The following RADX variants were observed in gnomAD, a reference collection of about 807,000 sequenced individuals.
RADX encodes the protein RPA-related protein RADX.
RADX carries 36 observed loss-of-function variants against 61.6 expected under a neutral mutation model. The observed-to-expected ratio is 0.58, with a 90% CI of 0.45 to 0.77. The LOEUF (loss-of-function observed/expected upper bound fraction) is 0.77, where lower values mean the gene tolerates loss of function less well. Among genes scored for constraint, RADX ranks in the 30% least tolerant of loss-of-function variants. RADX has a pLI of 0.00. For synonymous variants in RADX, 272 were observed against 237.9 expected (o/e 1.14, Z -1.32); for missense variants, 497 against 651.1 (o/e 0.76, Z 2.58).
At chrX:106,644,542 T>A (rs1927610013) in intron 10 of RADX, among the ~76,000 whole-genome samples, 1 of 111,624 alleles carries the variant, frequency 9.0e-6, no homozygotes. Context: ...ATGGTTTTGA[T>A]CCTTTTTTCT....
At chrX:106,651,058 T>C (rs1344813556) in intron 11 of RADX, among the ~76,000 whole-genome samples, 1 of 110,865 alleles carries the variant, frequency 9.0e-6, no homozygotes, top group East Asian at 2.8e-4. Context: ...TTTTTCAAAA[T>C]TGTATATATA....
Position 106,622,610 on chromosome X carries a change from A to G in RADX, c.644-41A>G, listed in dbSNP as rs757971053. The G allele has an allele frequency of 5.4e-5, 54 of 997,902 alleles. No homozygotes were observed. In the South Asian group the frequency reaches 6.6e-4, roughly 12 times the overall value. 82.2% of individuals were successfully genotyped at this position (997,902 alleles called of 1,213,427 possible). On this transcript the variant is annotated intron_variant, in intron 1 of 13. Transcript: ENST00000372548. ...AAAATAGATCTTTGAAGTTACCATT[A>G]CATGTTAAACAGGATTTCTTTCCTC...
At chrX:106,673,108 C>T (rs1447159162) in intron 13 of RADX, among the ~76,000 whole-genome samples, 2 of 111,973 alleles carry the variant, frequency 1.8e-5, no homozygotes, top group Non-Finnish European at 3.8e-5. Flanking sequence ...CAAGTGCCCA[C>T]TTGTTGCTCT....
chrX:106,614,244 G>A (rs1470837043), intron 1 of RADX, among the ~76,000 whole-genome samples: 3 of 111,270 alleles, frequency 2.7e-5, no homozygotes, highest in Non-Finnish European at 5.7e-5. Flanking sequence ...ATCTCAAATT[G>A]TCAGCAGTTT....
At chrX:106,622,149 G>A (rs142298329) in intron 1 of RADX, among the ~76,000 whole-genome samples, 5,066 of 110,203 alleles carry the variant, frequency 0.046, 295 homozygotes, top group African/African-American at 0.16. Context: ...ATGTTGCCCA[G>A]GCTGGTCTCA....
In RADX at chrX:106,639,381, A is replaced by G. The variant is rs1603045888; in HGVS notation, c.1574-146A>G. On this transcript the variant is annotated intron_variant, in intron 8 of 13. Coordinates refer to ENST00000372548, the MANE Select transcript of RADX (RefSeq NM_018015.6). ...TTTTGCCTATTTCACAAAATTATAT[A>G]GAAGGATGCCAGATATAAACACAGT... 1.3e-4 allele frequency: 56 copies of G among 438,322 alleles called. No homozygotes were observed. The East Asian group carries it at 2.4e-3, about 19-fold the overall frequency. The allele number at this position is 438,322 out of a possible 1,213,427, so 36.1% of individuals were successfully genotyped here.
intron 6 of RADX, 99 bp downstream of exon 6, chrX:106,633,351 G>A (rs1927281888): frequency 4.2e-6 from 3 of 714,747 alleles, no homozygotes; most frequent in Non-Finnish European, 6.1e-6. Context: ...GTGACATTGA[G>A]TTGGCAATTC....
At chrX:106,623,810 A>G (rs780984818) in intron 2 of RADX, among the ~76,000 whole-genome samples, 7 of 111,779 alleles carry the variant, frequency 6.3e-5, no homozygotes, top group African/African-American at 2.3e-4. Flanking sequence ...TCATATCACT[A>G]AAAATTCTTC....
intron 3 of RADX, among the ~76,000 whole-genome samples, chrX:106,632,249 A>G (rs1283926936): frequency 1.8e-5 from 2 of 112,243 alleles, no homozygotes; most frequent in African/African-American, 6.5e-5. Flanking sequence ...TGCTACATGC[A>G]GCTACATGGA....
intron 10 of RADX, among the ~76,000 whole-genome samples, chrX:106,641,525 A>G (rs1203562942): frequency 2.7e-5 from 3 of 111,762 alleles, no homozygotes; most frequent in Admixed American, 9.5e-5. Flanking sequence ...TATAGGATAG[A>G]CACTCCCATT....
intron 1 of RADX, among the ~76,000 whole-genome samples, chrX:106,613,236 C>T (rs1926723651): frequency 1.8e-5 from 2 of 111,732 alleles, no homozygotes; most frequent in South Asian, 7.5e-4. Context: ...ATTGAAACGC[C>T]GTGTAACAGT....
At chrX:106,666,549 T>TA (rs1175738941) in intron 12 of RADX, among the ~76,000 whole-genome samples, 2 of 112,131 alleles carry the variant, frequency 1.8e-5, no homozygotes, top group Non-Finnish European at 3.8e-5. Context: ...GCCCACAGGC[T>TA]AATACCAAGG....
Position 106,669,339 on chromosome X carries a change from A to T in RADX, c.2437+9A>T. On this transcript the variant is annotated intron_variant, in intron 13 of 13. Coordinates refer to ENST00000372548, the MANE Select transcript of RADX (RefSeq NM_018015.6). ...TCCAAGAGCGGTTGCAGGTAAAACA[A>T]TCTCAGTGTTCTTTTCACTCAGAAA... is the stretch of plus-strand genomic sequence containing the variant. 1 of 1,155,283 alleles carries T rather than the reference A, an allele frequency of 8.7e-7. No individual in the cohort carries two copies.
intron 9 of RADX, 58 bp downstream of exon 9, chrX:106,639,745 T>C: frequency 1.1e-6 from 1 of 934,429 alleles, no homozygotes; most frequent in African/African-American, 2.0e-5. Flanking sequence ...ATGATTGCAA[T>C]TGGTACCTTT....
Position 106,636,613 on chromosome X carries a change from C to T in RADX, c.1374C>T (p.Leu458=), listed in dbSNP as rs780476727. 94 of 1,188,900 alleles carry T rather than the reference C, an allele frequency of 7.9e-5. No homozygotes were observed. Among genetic ancestry groups the T allele is most frequent in the Non-Finnish European group, 1.0e-4 (88 of 877,081 alleles). The part of the protein sequence containing the change: ...NDNQVPKLLY[L]TTTNESGVFI... ...ATCAAGTACCTAAGCTGCTTTACCT[C>T]ACCACTACAAATGAGAGTGGAGTGT... is the stretch of plus-strand genomic sequence containing the variant. The change falls in exon 7 of 14, where the codon CTC becomes CTT. Residue 458 remains leucine (L), a synonymous_variant. Coordinates refer to ENST00000372548, the MANE Select transcript of RADX (RefSeq NM_018015.6).
At chrX:106,668,541 T>C (rs1291563129) in intron 12 of RADX, among the ~76,000 whole-genome samples, 1 of 111,883 alleles carries the variant, frequency 8.9e-6, no homozygotes, top group Non-Finnish European at 1.9e-5. Context: ...AGAATTCTTT[T>C]CTTCCTCTAG....
intron 11 of RADX, among the ~76,000 whole-genome samples, chrX:106,660,160 A>G (rs1411618055): frequency 8.9e-6 from 1 of 111,757 alleles, no homozygotes; most frequent in Non-Finnish European, 1.9e-5. Context: ...CCAATCATCA[A>G]TTTAGTCCTA....
chrX:106,641,049 C>A (rs763379523), intron 10 of RADX, among the ~76,000 whole-genome samples: 5 of 111,004 alleles, frequency 4.5e-5, no homozygotes, highest in African/African-American at 1.6e-4. Flanking sequence ...CCTTCATATT[C>A]ACATGGAGTT....
intron 3 of RADX, among the ~76,000 whole-genome samples, chrX:106,631,601 C>G (rs1366279577): frequency 1.9e-5 from 2 of 105,630 alleles, no homozygotes; most frequent in Non-Finnish European, 3.9e-5. Context: ...GAGGCTAAGG[C>G]AGGAGGATTG....
Sources: allele counts gnomAD v4.1 joint callset (sites outside exome capture counted in the v4.1 genomes callset), GRCh38; gene constraint gnomAD v4.1.1; transcripts MANE v1.5; gene names NCBI Gene and HGNC (gene_info 2026-07-23, HGNC 2026-07-21).